The following VDAC2 variants were observed in gnomAD, a reference collection of about 807,000 sequenced individuals.
VDAC2 encodes non-selective voltage-gated ion channel VDAC2.
Under a neutral mutation model 36.6 loss-of-function variants are expected in VDAC2, and 6 were observed. The ratio of observed to expected loss-of-function variants is 0.16; its 90% CI spans 0.09 to 0.32. VDAC2 has a LOEUF of 0.32. VDAC2 is among the 10% of genes least tolerant of loss of function. The probability of loss-of-function intolerance (pLI) is 1.00; values close to 1 mark genes in which losing one functional copy is unlikely to be tolerated. For synonymous variants in VDAC2, 109 were observed against 123.8 expected, an observed-to-expected ratio of 0.88 and a Z score of 0.79; for missense variants, 247 against 346.0, an observed-to-expected ratio of 0.71 and a Z score of 2.27.
At chr10:75,215,721 GT>G (rs796837971) in intron 4 of VDAC2, among the ~76,000 whole-genome samples, 156 of 135,812 alleles carry the variant, frequency 1.1e-3, no homozygotes, top group Middle Eastern at 4.3e-3. Flanking sequence ...TTTTTGTTTT[GT>G]TTTTTTTTTT....
At position 75,226,521 on chromosome 10, in the gene VDAC2, A is replaced by G. The variant is rs938096141; in HGVS notation, c.736-3123A>G. ...AGGCTGGATGGAGTACAGTGGCACCATCTCTGCTCACTGCAACCTCAACCT... is the reference window on the plus strand; with the variant it reads ...AGGCTGGATGGAGTACAGTGGCACCGTCTCTGCTCACTGCAACCTCAACCT... On this transcript the variant is annotated intron_variant, in intron 8 of 9. Transcript: ENST00000332211. Among the ~76,000 whole-genome samples, 3 of 139,260 alleles carry G rather than the reference A, an allele frequency of 2.2e-5. No individual in the cohort carries two copies. In the South Asian group the frequency reaches 6.8e-4, roughly 32 times the overall value. The allele number at this position is 139,260 out of a possible 152,430, so 91.4% of individuals were successfully genotyped here.
chr10:75,219,586 C>T (rs1292261928), intron 6 of VDAC2, among the ~76,000 whole-genome samples: 1 of 151,818 alleles, frequency 6.6e-6, no homozygotes, highest in Non-Finnish European at 1.5e-5. Flanking sequence ...TGGGTTCAAG[C>T]GATTCTTCTG....
Position 75,231,180 on chromosome 10 carries a change from A to G in VDAC2, c.*191A>G, listed in dbSNP as rs1804198. The G allele has an allele frequency of 4.5e-5, 25 of 554,764 alleles. No homozygotes were observed. Among genetic ancestry groups the G allele is most frequent in the Non-Finnish European group, 6.5e-5 (20 of 306,062 alleles). 34.4% of individuals were successfully genotyped at this position (554,764 alleles called of 1,614,324 possible). A position where few individuals can be genotyped will look rare whatever the true frequency, so the allele number is the denominator to read the frequency against. ...TTTCTAGTTGGTTATCTAGTTACCAATGCTGCAGTCCTGCAGTCACCTATA... is the reference window on the plus strand; with the variant it reads ...TTTCTAGTTGGTTATCTAGTTACCAGTGCTGCAGTCCTGCAGTCACCTATA... On this transcript the variant is annotated 3_prime_UTR_variant, in exon 10 of 10. Coordinates refer to ENST00000332211, the MANE Select transcript of VDAC2 (RefSeq NM_001391963.1).
intron 3 of VDAC2, among the ~76,000 whole-genome samples, chr10:75,212,515 G>A (rs1052429226): frequency 6.6e-6 from 1 of 152,092 alleles, no homozygotes; most frequent in African/African-American, 2.4e-5. Flanking sequence ...GGGCTCAAGC[G>A]ATCATCTTTC....
chr10:75,216,063 T>C (rs1393149968), intron 4 of VDAC2, among the ~76,000 whole-genome samples: 1 of 152,238 alleles, frequency 6.6e-6, no homozygotes, highest in Non-Finnish European at 1.5e-5. Context: ...ATCATATCTG[T>C]CGCTTGGTTT....
At chr10:75,211,545 C>G (rs1269617202) in intron 2 of VDAC2, 1 of 1,550,180 alleles carries the variant, frequency 6.5e-7, no homozygotes, top group Non-Finnish European at 8.7e-7. Flanking sequence ...AAGGTCATTA[C>G]TTGTGCTCCT....
chr10:75,215,333 G>GTA (rs1178927115), intron 4 of VDAC2, among the ~76,000 whole-genome samples: 6 of 151,684 alleles, frequency 4.0e-5, no homozygotes, highest in South Asian at 4.2e-4. Context: ...ATGTATGTAT[G>GTA]TATATATATA....
intron 2 of VDAC2, chr10:75,211,536 A>C: frequency 2.6e-6 from 4 of 1,549,116 alleles, no homozygotes; most frequent in Non-Finnish European, 3.5e-6. Context: ...TGAGAGCGCA[A>C]GGTCATTACT....
At chr10:75,227,576 A>ATTTTTTTTTTTT (rs1841989654) in intron 8 of VDAC2, among the ~76,000 whole-genome samples, 2 of 90,770 alleles carry the variant, frequency 2.2e-5, no homozygotes, top group African/African-American at 5.4e-5. Flanking sequence ...AAATAATAGG[A>ATTTTTTTTTTTT]ATTTTTTTTT....
chr10:75,219,327 A>C lies in VDAC2; in HGVS notation c.327A>C (p.Thr109=). The part of the protein sequence containing the change: ...EDQICQGLKL[T]FDTTFSPNTG... ...AGATTTGTCAAGGTTTGAAACTGACATTTGATACTACCTTCTCACCAAACA... is the reference window on the plus strand; with the variant it reads ...AGATTTGTCAAGGTTTGAAACTGACCTTTGATACTACCTTCTCACCAAACA... The change falls in exon 6 of 10, where the codon ACA becomes ACC. Residue 109 remains threonine (T), a synonymous_variant. Transcript: ENST00000332211. The C allele has an allele frequency of 6.2e-7, 1 of 1,600,944 alleles. No homozygotes were observed. Among genetic ancestry groups the C allele is most frequent in the Admixed American group, 1.7e-5 (1 of 59,454 alleles).
intron 4 of VDAC2, 62 bp from the exon 5 acceptor site, chr10:75,219,001 T>C: frequency 6.5e-7 from 1 of 1,535,812 alleles, no homozygotes; most frequent in South Asian, 1.3e-5. Flanking sequence ...TGTGCGTGTG[T>C]AAGGCAGTGA....
chr10:75,214,097 A>G (rs199938386), intron 4 of VDAC2, 27 bp downstream of exon 4: 90 of 1,607,752 alleles, frequency 5.6e-5, no homozygotes, highest in Admixed American at 1.5e-4. Flanking sequence ...AATAAGTTCT[A>G]TTGAACCTTT....
chr10:75,216,078 G>C (rs1391138678), intron 4 of VDAC2, among the ~76,000 whole-genome samples: 1 of 151,702 alleles, frequency 6.6e-6, no homozygotes, highest in Admixed American at 6.6e-5. Flanking sequence ...TGGTTTTTTT[G>C]GTCTGAAAGG....
chr10:75,222,830 T>C (rs964808801), intron 8 of VDAC2, among the ~76,000 whole-genome samples: 1 of 152,074 alleles, frequency 6.6e-6, no homozygotes, highest in South Asian at 2.1e-4. Flanking sequence ...TCCCAACTAA[T>C]TTTTTGATGT....
At chr10:75,227,084 A>G (rs549646511) in intron 8 of VDAC2, among the ~76,000 whole-genome samples, 38 of 152,310 alleles carry the variant, frequency 2.5e-4, no homozygotes, top group Middle Eastern at 3.4e-3. Flanking sequence ...ACAGGGATGG[A>G]AGCTCCTGTG....
chr10:75,224,888 G>A (rs1448880054), intron 8 of VDAC2, among the ~76,000 whole-genome samples: 1 of 152,180 alleles, frequency 6.6e-6, no homozygotes, highest in Non-Finnish European at 1.5e-5. Context: ...TGGGGCAGTA[G>A]TCAGGCTTAT....
chr10:75,211,178 C>G lies in VDAC2; in HGVS notation c.20C>G (p.Thr7Ser), dbSNP rs142791341. The G allele has an allele frequency of 1.2e-6, 2 of 1,613,388 alleles. No homozygotes were observed. Among genetic ancestry groups the G allele is most frequent in the East Asian group, 2.2e-5 (1 of 44,812 alleles). ...CTCGCCATGGCGACCCACGGACAGA[C>G]TTGCGCGCGTCGTAAGTAAAGCTGG... MATHGQ[T>S]CARPMCIPPS... Residue 7 changes from threonine (T) to serine (S), a missense_variant, in exon 2 of 10, where the codon ACT becomes AGT. Transcript: ENST00000332211.
intron 3 of VDAC2, among the ~76,000 whole-genome samples, chr10:75,212,821 T>G (rs1841468642): frequency 6.6e-6 from 1 of 152,246 alleles, no homozygotes; most frequent in Non-Finnish European, 1.5e-5. Flanking sequence ...CTTAGAAGAT[T>G]TGAGCCTTTA....
chr10:75,216,459 T>C (rs74578174), intron 4 of VDAC2, among the ~76,000 whole-genome samples: 1,708 of 152,324 alleles, frequency 0.011, 38 homozygotes, highest in African/African-American at 0.039. Context: ...ATGTTTTTAT[T>C]CACATTTAAT....
Sources: gnomAD v4.1 joint callset for allele counts (sites outside exome capture counted in the v4.1 genomes callset) on GRCh38, gnomAD v4.1.1 for gene constraint, MANE v1.5 for transcripts, NCBI Gene and HGNC (gene_info 2026-07-23, HGNC 2026-07-21) for gene names.